The following RHPN2 variants were observed in gnomAD, a reference collection of about 807,000 sequenced individuals.
RHPN2 encodes rhophilin Rho GTPase binding protein 2.
Under a neutral mutation model 79.0 loss-of-function variants are expected in RHPN2, and 40 were observed. The ratio of observed to expected loss-of-function variants is 0.51; its 90% CI spans 0.39 to 0.66. RHPN2 has a LOEUF of 0.66. Ranked by LOEUF, RHPN2 falls within the 30% of genes least tolerant of loss-of-function variation. RHPN2 has a pLI of 0.00. For synonymous variants in RHPN2, 285 were observed against 363.5 expected (o/e 0.78, Z 2.46); for missense variants, 686 against 883.5 (o/e 0.78, Z 2.83).
chr19:33,046,062 C>T (rs1476800313), intron 1 of RHPN2, among the ~76,000 whole-genome samples: 3 of 151,740 alleles, frequency 2.0e-5, no homozygotes, highest in Admixed American at 2.0e-4. Context: ...GATTTCATTA[C>T]ATAGATACAC....
chr19:33,062,221 G>A (rs1321386878), intron 1 of RHPN2, among the ~76,000 whole-genome samples: 1 of 152,036 alleles, frequency 6.6e-6, no homozygotes, highest in Non-Finnish European at 1.5e-5. Flanking sequence ...CCCACTTTAG[G>A]AGGCCGAGGT....
chr19:33,025,821 C>A (rs1369140031), intron 3 of RHPN2, among the ~76,000 whole-genome samples: 1 of 152,182 alleles, frequency 6.6e-6, no homozygotes, highest in Non-Finnish European at 1.5e-5. Context: ...AATGTCTGTT[C>A]AGTTGAATTT....
intron 6 of RHPN2, among the ~76,000 whole-genome samples, chr19:33,010,444 G>A (rs1293167635): frequency 6.7e-6 from 1 of 149,850 alleles, no homozygotes; most frequent in East Asian, 2.0e-4. Context: ...GTGCAGTGGT[G>A]TGATCTTGGC....
chr19:33,006,903 A>C (rs977166447), intron 7 of RHPN2, among the ~76,000 whole-genome samples: 1 of 151,798 alleles, frequency 6.6e-6, no homozygotes, highest in Admixed American at 6.6e-5. Flanking sequence ...TTAGCCAGGC[A>C]TGGTGGCAGG....
intron 1 of RHPN2, among the ~76,000 whole-genome samples, chr19:33,063,554 C>G (rs1055553568): frequency 2.6e-5 from 4 of 152,252 alleles, no homozygotes. Flanking sequence ...TCCACCCTCT[C>G]AGTGATCCCT....
intron 14 of RHPN2, among the ~76,000 whole-genome samples, chr19:32,985,005 AT>A (rs59263976): frequency 4.5e-4 from 67 of 148,126 alleles, no homozygotes; most frequent in Non-Finnish European, 7.2e-4. Context: ...ACTTGGTAGG[AT>A]TTTTTTTTTT....
At chr19:32,990,137 T>TAAAG (rs67167337) in intron 14 of RHPN2, among the ~76,000 whole-genome samples, 3,996 of 17,864 alleles carry the variant, frequency 0.22, 420 homozygotes, top group East Asian at 0.52. Flanking sequence ...AGAAAATGAA[T>TAAAG]AAAGAAAGAA....
At chr19:33,026,395 G>T in intron 3 of RHPN2, 109 bp downstream of exon 3, 1 of 1,415,342 alleles carries the variant, frequency 7.1e-7, no homozygotes, top group South Asian at 1.1e-5. Context: ...GAAAGTGGGG[G>T]CTGCCACACC....
chr19:33,033,261 T>C (rs1019150260), intron 2 of RHPN2, among the ~76,000 whole-genome samples: 3 of 151,896 alleles, frequency 2.0e-5, no homozygotes, highest in Admixed American at 2.0e-4. Context: ...CCACAGTAGG[T>C]TCGACTTAAA....
At chr19:32,987,538 C>T (rs1971621109) in intron 14 of RHPN2, among the ~76,000 whole-genome samples, 2 of 152,318 alleles carry the variant, frequency 1.3e-5, no homozygotes, top group Admixed American at 6.5e-5. Flanking sequence ...CCTCTCACTG[C>T]AAAGCTTTCT....
At chr19:33,033,876 AAAAAT>A (rs1297598442) in intron 2 of RHPN2, among the ~76,000 whole-genome samples, 2 of 152,084 alleles carry the variant, frequency 1.3e-5, no homozygotes, top group African/African-American at 4.8e-5. Flanking sequence ...TCAAAAAAGA[AAAAAT>A]AAAATAAAAT....
At chr19:33,062,377 A>G (rs1360481573) in intron 1 of RHPN2, among the ~76,000 whole-genome samples, 1 of 151,678 alleles carries the variant, frequency 6.6e-6, no homozygotes, top group Non-Finnish European at 1.5e-5. Flanking sequence ...CGGGAGAATC[A>G]CTTGAAACTG....
chr19:33,027,828 C>A (rs1971980584), intron 2 of RHPN2, among the ~76,000 whole-genome samples: 1 of 152,066 alleles, frequency 6.6e-6, no homozygotes, highest in Admixed American at 6.6e-5. Flanking sequence ...AATAAAAATT[C>A]TCAACAAAGT....
At chr19:33,032,209 C>T (rs1161257294) in intron 2 of RHPN2, among the ~76,000 whole-genome samples, 1 of 151,158 alleles carries the variant, frequency 6.6e-6, no homozygotes, top group African/African-American at 2.4e-5. Context: ...TTAGTAGAGA[C>T]GGGGTTTCAC....
chr19:33,060,447 G>A (rs1398446955), intron 1 of RHPN2, among the ~76,000 whole-genome samples: 1 of 152,170 alleles, frequency 6.6e-6, no homozygotes, highest in African/African-American at 2.4e-5. Context: ...CCTGCCTTCT[G>A]TGTGGACCCC....
chr19:32,993,999 A>T lies in RHPN2; in HGVS notation c.1475T>A (p.Val492Asp), dbSNP rs1472728782. Residue 492 changes from valine to aspartate, a missense_variant, in exon 12 of 15, where the codon GTC becomes GAC. By Grantham distance (152) the Val-to-Asp change is radical (BLOSUM62 -3). Transcript: ENST00000254260. Reference protein sequence around the residue: ...IILPQFSKLTVTDFFQKLGPL... With the variant: ...IILPQFSKLTDTDFFQKLGPL... ...TACCAGCTTCTGGAAGAAGTCCGTGACTGTCAGCTTGGAGAACTGGGGCAA... is the reference window on the plus strand; with the variant it reads ...TACCAGCTTCTGGAAGAAGTCCGTGTCTGTCAGCTTGGAGAACTGGGGCAA... 5.0e-6 allele frequency: 8 copies of T among 1,613,128 alleles called. No individual in the cohort carries two copies. Among genetic ancestry groups the T allele is most frequent in the Non-Finnish European group, 6.8e-6 (8 of 1,179,242 alleles).
intron 14 of RHPN2, among the ~76,000 whole-genome samples, chr19:32,986,849 C>T (rs1403239845): frequency 1.3e-5 from 2 of 151,208 alleles, no homozygotes; most frequent in Non-Finnish European, 2.9e-5. Flanking sequence ...TAAAATTCAC[C>T]ATTTTAATAC....
At chr19:33,008,973 T>C (rs564345479) in intron 6 of RHPN2, among the ~76,000 whole-genome samples, 27 of 152,238 alleles carry the variant, frequency 1.8e-4, no homozygotes, top group Admixed American at 1.6e-3. Context: ...CATGAAAAGA[T>C]GCAGAGGAAA....
At chr19:33,050,213 C>T (rs371928934) in intron 1 of RHPN2, among the ~76,000 whole-genome samples, 1 of 152,112 alleles carries the variant, frequency 6.6e-6, no homozygotes, top group East Asian at 1.9e-4. Context: ...GCCACCTTAC[C>T]ACCAGCAGAA....
Sources: allele counts gnomAD v4.1 joint callset (sites outside exome capture counted in the v4.1 genomes callset), GRCh38; gene constraint gnomAD v4.1.1; transcripts MANE v1.5; gene names NCBI Gene and HGNC (gene_info 2026-07-23, HGNC 2026-07-21).